PAH: variants seen among roughly 807,000 people sequenced by gnomAD.
PAH encodes phenylalanine hydroxylase, also known as phenylalanine-4-hydroxylase.
In PAH, 64 loss-of-function variants were observed where a neutral mutation model predicts 62.0. The observed-to-expected ratio is 1.03, with a 90% confidence interval of 0.84 to 1.27. The LOEUF is 1.27. Ranked by LOEUF, PAH falls within the 50% of genes most tolerant of loss-of-function variation. The probability of loss-of-function intolerance (pLI) is 0.00; values close to 1 mark genes in which losing one functional copy is unlikely to be tolerated. For synonymous variants in PAH, 195 were observed against 196.2 expected (o/e 0.99, Z 0.05); for missense variants, 579 against 542.8 (o/e 1.07, Z -0.66).
rs771382634 is a variant in PAH, at chr12:102,840,500, T to A, written c.1215A>T (p.Thr405=). 1 of 1,613,666 alleles carries A rather than the reference T, an allele frequency of 6.2e-7. No homozygotes were observed. Among genetic ancestry groups the A allele is most frequent in the South Asian group, 1.1e-5 (1 of 91,056 alleles). The change falls in exon 12 of 13, where the codon ACA becomes ACT. Residue 405 remains threonine, a synonymous_variant. Transcript: ENST00000553106. ...AGCGAACTGAGAAGGGCCGAGGTAT[T>A]GTGGCAGCAAAGTTCCTAAGACCAA... The part of the protein sequence containing the change: ...AKEKVRNFAA[T]IPRPFSVRYD...
rs566628689 is a variant in PAH, at chr12:102,868,909, T to C, written c.442-2246A>G. Among the ~76,000 whole-genome samples the C allele has an allele frequency of 2.6e-5, 4 of 152,342 alleles. No homozygotes were observed. In the South Asian group the frequency reaches 8.3e-4, roughly 32 times the overall value. Reference sequence around the variant, plus strand: ...TTTTCTCCAGGCCCTAAGGATAATATGTAGACTTTTGACCCTGTAAGGCAC... The same window carrying C: ...TTTTCTCCAGGCCCTAAGGATAATACGTAGACTTTTGACCCTGTAAGGCAC... On this transcript the variant is annotated intron_variant, in intron 4 of 12. Coordinates refer to ENST00000553106, the MANE Select transcript of PAH (RefSeq NM_000277.3).
intron 5 of PAH, among the ~76,000 whole-genome samples, chr12:102,864,736 A>T: frequency 6.6e-6 from 1 of 151,646 alleles, no homozygotes; most frequent in Non-Finnish European, 1.5e-5. Flanking sequence ...GTGAAAGTGT[A>T]CAGTGAGTAT....
intron 5 of PAH, among the ~76,000 whole-genome samples, chr12:102,863,018 C>G (rs781219369): frequency 1.1e-4 from 17 of 151,968 alleles, no homozygotes; most frequent in Non-Finnish European, 2.4e-4. Flanking sequence ...ATACAGGAGA[C>G]AAACAGACTT....
chr12:102,876,391 C>T (rs1876565809), intron 4 of PAH, among the ~76,000 whole-genome samples: 1 of 152,214 alleles, frequency 6.6e-6, no homozygotes, highest in Admixed American at 6.5e-5. Context: ...CACAGTTTAG[C>T]ACCGGGCCTT....
chr12:102,926,731 C>G (rs920636910), intron 1 of PAH, among the ~76,000 whole-genome samples: 2 of 151,998 alleles, frequency 1.3e-5, no homozygotes, highest in African/African-American at 2.4e-5. Context: ...ATATTAAAAA[C>G]AAAGGTAATA....
At chr12:102,896,464 A>T (rs1417072394) in intron 2 of PAH, among the ~76,000 whole-genome samples, 1 of 152,244 alleles carries the variant, frequency 6.6e-6, no homozygotes, top group Non-Finnish European at 1.5e-5. Flanking sequence ...TAGGCTTAAA[A>T]GGACCAGTCT....
In PAH at chr12:102,838,851, A is replaced by G. The variant is rs1874468013; in HGVS notation, c.*324T>C. 2 of 391,490 alleles carry G rather than the reference A, an allele frequency of 5.1e-6. No homozygotes were observed. Among genetic ancestry groups the G allele is most frequent in the South Asian group, 5.5e-5 (2 of 36,236 alleles). 24.3% of individuals were successfully genotyped at this position (391,490 alleles called of 1,614,324 possible). On this transcript the variant is annotated 3_prime_UTR_variant, in exon 13 of 13. Transcript: ENST00000553106. Reference sequence around the variant, plus strand: ...TTTATGAGTTCTCTGCAAAGCATATATGAAGCTTGAATGAAGCAGGTCCCA... The same window carrying G: ...TTTATGAGTTCTCTGCAAAGCATATGTGAAGCTTGAATGAAGCAGGTCCCA...
chr12:102,865,941 A>G (rs375034389), intron 5 of PAH, among the ~76,000 whole-genome samples: 1 of 152,046 alleles, frequency 6.6e-6, no homozygotes, highest in East Asian at 1.9e-4. Context: ...GCACTTGTCA[A>G]AACACTAAGT....
intron 2 of PAH, among the ~76,000 whole-genome samples, chr12:102,905,593 C>T (rs1565870871): frequency 6.6e-6 from 1 of 152,096 alleles, no homozygotes; most frequent in Non-Finnish European, 1.5e-5. Flanking sequence ...TGAAGTCCTA[C>T]CACCTTGTCT....
upstream of PAH, among the ~76,000 whole-genome samples, chr12:102,954,939 C>T (rs932535974): frequency 5.3e-5 from 8 of 151,826 alleles, no homozygotes; most frequent in East Asian, 3.9e-4. Flanking sequence ...GGGAGGAGAA[C>T]GCCTCGGTTC....
At chr12:102,941,568 T>C (rs1489740153) in intron 1 of PAH, among the ~76,000 whole-genome samples, 1 of 151,964 alleles carries the variant, frequency 6.6e-6, no homozygotes, top group African/African-American at 2.4e-5. Flanking sequence ...AAGTAGAGGA[T>C]CACATAATAA....
At chr12:102,948,555 C>A (rs1386198800) in intron 1 of PAH, among the ~76,000 whole-genome samples, 1 of 152,184 alleles carries the variant, frequency 6.6e-6, no homozygotes, top group African/African-American at 2.4e-5. Flanking sequence ...GGGCCAGTAT[C>A]AAAGGCCATC....
exon 1 of PAH, chr12:102,958,197 C>T: frequency 1.4e-6 from 2 of 1,400,190 alleles, no homozygotes; most frequent in Non-Finnish European, 9.3e-7. Context: ...CCCCGCACCT[C>T]GCGTCCCGGA....
At chr12:102,913,326 T>G (rs1417288711) in intron 1 of PAH, among the ~76,000 whole-genome samples, 1 of 152,194 alleles carries the variant, frequency 6.6e-6, no homozygotes, top group Non-Finnish European at 1.5e-5. Context: ...TGATATAATA[T>G]GATTTATAAA....
upstream of PAH, chr12:102,953,252 T>A (rs1447773092): frequency 6.6e-6 from 1 of 152,228 alleles, no homozygotes; most frequent in East Asian, 1.9e-4. Flanking sequence ...CTTGTGTTCA[T>A]CTTTGTATTC....
chr12:102,939,054 C>T (rs150565369), intron 1 of PAH, among the ~76,000 whole-genome samples: 38 of 152,168 alleles, frequency 2.5e-4, no homozygotes, highest in African/African-American at 8.4e-4. Flanking sequence ...CAACATGCCT[C>T]AGCCACCATA....
At chr12:102,855,955 G>A (rs1875406101) in intron 5 of PAH, among the ~76,000 whole-genome samples, 1 of 149,106 alleles carries the variant, frequency 6.7e-6, no homozygotes, top group Admixed American at 6.6e-5. Context: ...ATTCCACATT[G>A]TATACATATA....
rs2136649225 is a variant in PAH at position 102,855,158 on chromosome 12, T to G, written c.684A>C (p.Glu228Asp). The change falls in exon 6 of 13, where the codon GAA becomes GAC. Residue 228 changes from glutamate (E) to aspartate (D), a missense_variant. Physicochemically the swap from Glu to Asp is conservative, Grantham distance 45. Coordinates refer to ENST00000553106, the MANE Select transcript of PAH (RefSeq NM_000277.3). Reference protein sequence around the residue: ...GFHEDNIPQLEDVSQFLQTCT... With the variant: ...GFHEDNIPQLDDVSQFLQTCT... ...TACTCTGCAGGAACTGAGAAACGTC[T>G]TCCAGCTGGGGAATGTTATCTTCAT... 1.2e-6 allele frequency: 2 copies of G among 1,614,154 alleles called. No homozygotes were observed. Among genetic ancestry groups the G allele is most frequent in the East Asian group, 4.5e-5 (2 of 44,884 alleles).
intron 4 of PAH, among the ~76,000 whole-genome samples, chr12:102,869,576 AG>A: frequency 1.3e-5 from 2 of 152,356 alleles, no homozygotes; most frequent in South Asian, 4.1e-4. Flanking sequence ...ATTGGTATAC[AG>A]GAACACACAC....
Sources: allele counts gnomAD v4.1 joint callset (sites outside exome capture counted in the v4.1 genomes callset), GRCh38; gene constraint gnomAD v4.1.1; transcripts MANE v1.5; gene names NCBI Gene and HGNC (gene_info 2026-07-23, HGNC 2026-07-21).